Variants in DCHS2 observed in about 807,000 individuals in gnomAD.
DCHS2 encodes the protein protocadherin-23.
A neutral mutation model predicts 182.4 loss-of-function variants in DCHS2; 142 were observed. The ratio of observed to expected loss-of-function variants is 0.78; its 90% CI spans 0.68 to 0.89. DCHS2 has a LOEUF of 0.89. DCHS2 is among the 40% of genes least tolerant of loss of function. DCHS2 has a pLI of 0.00. For missense variants in DCHS2, 4,319 were observed against 4,198.6 expected (o/e 1.03, Z -0.79); for synonymous variants, 1,740 against 1,663.3 (o/e 1.05, Z -1.12).
chr4:154,242,880 C>G, intron 16 of DCHS2, 108 bp from the exon 17 acceptor site: 1 of 1,366,496 alleles, frequency 7.3e-7, no homozygotes, highest in African/African-American at 1.5e-5. Flanking sequence ...TGACTAGCTA[C>G]TTTTATTTTT....
Position 154,234,948 on chromosome 4 carries a change from T to C in DCHS2, c.9704A>G (p.Asn3235Ser), listed in dbSNP as rs1486711051. Residue 3235 changes from asparagine (N) to serine (S), a missense_variant, in exon 20 of 20, where the codon AAT becomes AGT. Physicochemically the swap from Asn to Ser is conservative, Grantham distance 46 (BLOSUM62 1). Transcript: ENST00000357232. ...DHDGKDNYHWNYLLSWEPKFQ... is the reference protein window; with the variant it reads ...DHDGKDNYHWSYLLSWEPKFQ... ...TTTGGGCTCCCAACTAAGAAGATAA[T>C]TCCAGTGATAGTTGTCTTTTCCATC... 1 of 1,614,086 alleles carries C rather than the reference T, an allele frequency of 6.2e-7. No individual in the cohort carries two copies. Among genetic ancestry groups the C allele is most frequent in the South Asian group, 1.1e-5 (1 of 91,082 alleles).
At chr4:154,286,355 T>G (rs1734397489) in intron 13 of DCHS2, among the ~76,000 whole-genome samples, 1 of 151,946 alleles carries the variant, frequency 6.6e-6, no homozygotes, top group Non-Finnish European at 1.5e-5. Context: ...CCAAATGAAC[T>G]AAATAAGGCA....
At chr4:154,461,923 G>T (rs1383702751) in intron 1 of DCHS2, among the ~76,000 whole-genome samples, 1 of 152,160 alleles carries the variant, frequency 6.6e-6, no homozygotes, top group African/African-American at 2.4e-5. Context: ...CCAGAAAGTT[G>T]TCCCTGAGGT....
intron 19 of DCHS2, 97 bp from the exon 20 acceptor site, chr4:154,237,256 T>G: frequency 1.4e-6 from 2 of 1,423,190 alleles, no homozygotes; most frequent in Non-Finnish European, 9.2e-7. Flanking sequence ...AATATGTGTT[T>G]AATTCTTTGT....
intron 7 of DCHS2, 39 bp from the exon 8 acceptor site, chr4:154,322,527 A>G: frequency 6.4e-7 from 1 of 1,557,864 alleles, no homozygotes; most frequent in South Asian, 1.2e-5. Flanking sequence ...ATGTTAATTG[A>G]CAATGCAGAA....
chr4:154,449,528 A>T (rs1313012331), intron 1 of DCHS2, among the ~76,000 whole-genome samples: 1 of 151,780 alleles, frequency 6.6e-6, no homozygotes, highest in Non-Finnish European at 1.5e-5. Context: ...GTGCCACCAC[A>T]CTTGGCTAAT....
intron 13 of DCHS2, among the ~76,000 whole-genome samples, chr4:154,297,619 G>A (rs1734984407): frequency 1.3e-5 from 2 of 152,178 alleles, no homozygotes. Context: ...AATCTTTAAT[G>A]GGAGGGCCCT....
intron 1 of DCHS2, among the ~76,000 whole-genome samples, chr4:154,469,991 C>A (rs1040359014): frequency 7.2e-5 from 11 of 152,140 alleles, no homozygotes; most frequent in African/African-American, 2.4e-4. Flanking sequence ...GAAAACAACT[C>A]CTAAAAGTTG....
At chr4:154,425,797 C>A (rs2110923498) in intron 1 of DCHS2, among the ~76,000 whole-genome samples, 3 of 152,310 alleles carry the variant, frequency 2.0e-5, no homozygotes, top group Admixed American at 2.0e-4. Context: ...CACCACAGAC[C>A]CCTGGCCCCA....
chr4:154,418,233 A>G (rs1732955348), intron 1 of DCHS2, among the ~76,000 whole-genome samples: 1 of 152,208 alleles, frequency 6.6e-6, no homozygotes. Context: ...TTTCTTTCAT[A>G]TTACATATGT....
intron 15 of DCHS2, 29 bp downstream of exon 15, chr4:154,259,513 CACA>C: frequency 6.2e-7 from 1 of 1,607,154 alleles, no homozygotes; most frequent in South Asian, 1.1e-5. Context: ...CACACACACA[CACA>C]CACACACACA....
Position 154,491,341 on chromosome 4 carries a change from C to T in DCHS2, c.15G>A (p.Gly5=). 6.5e-7 allele frequency: 1 copy of T among 1,535,862 alleles called. No homozygotes were observed. The highest frequency in any genetic ancestry group is 8.8e-7 in the Non-Finnish European group (1 of 1,137,238). The change falls in exon 1 of 20, where the codon GGG becomes GGA. Residue 5 remains glycine (G), a synonymous_variant. Coordinates refer to ENST00000357232, the MANE Select transcript of DCHS2 (RefSeq NM_001358235.2). ...GCTGACGCCCTTCGCCCATCTTCCG[C>T]CCACAAGGGCTCATTTCTCCTCCAG... MSPC[G]RKMGEGRQQR...
rs751119232 is a variant in DCHS2 at position 154,235,733 on chromosome 4, A to C, written c.8919T>G (p.Thr2973=). Residue 2973 remains threonine (T), a synonymous_variant, in exon 20 of 20, where the codon ACT becomes ACG. Transcript: ENST00000357232. ...PKSDSKFASC[T]VFVNVSFSSE... is the part of the protein sequence containing the mutation. The stretch of plus-strand genomic sequence containing the variant: ...AGGAGAAAGACACATTCACAAAAAC[A>C]GTGCAAGATGCAAACTTGGAATCTG... 5 of 1,613,990 alleles carry C rather than the reference A, an allele frequency of 3.1e-6. No individual in the cohort carries two copies. Among genetic ancestry groups the C allele is most frequent in the Non-Finnish European group, 4.2e-6 (5 of 1,179,990 alleles).
intron 1 of DCHS2, among the ~76,000 whole-genome samples, chr4:154,457,746 T>G (rs1166495399): frequency 6.6e-6 from 1 of 152,182 alleles, no homozygotes; most frequent in African/African-American, 2.4e-5. Flanking sequence ...CCTGGAGGGC[T>G]TGTTAAAGCA....
intron 12 of DCHS2, among the ~76,000 whole-genome samples, chr4:154,299,501 G>A (rs1053291634): frequency 2.0e-5 from 3 of 152,186 alleles, no homozygotes; most frequent in Admixed American, 6.5e-5. Context: ...CTTGGATGAA[G>A]AGCAGGCCCA....
chr4:154,409,258 A>T (rs796091725), intron 1 of DCHS2, among the ~76,000 whole-genome samples: 71 of 152,172 alleles, frequency 4.7e-4, no homozygotes, highest in African/African-American at 1.7e-3. Context: ...GCTATGCTCC[A>T]CCATTCCAGA....
chr4:154,409,285 T>C (rs1236265845), intron 1 of DCHS2, among the ~76,000 whole-genome samples: 2 of 152,214 alleles, frequency 1.3e-5, no homozygotes, highest in South Asian at 2.1e-4. Flanking sequence ...GCTGCTGCCA[T>C]ACTTGACCCC....
At position 154,266,452 on chromosome 4, in the gene DCHS2, C is replaced by T. The variant is rs368790968; in HGVS notation, c.6577+3448G>A. 3.5e-3 allele frequency among the ~76,000 whole-genome samples: 528 copies of T among 152,018 alleles called. 5 individuals are homozygous for T. Among genetic ancestry groups the T allele is most frequent in the South Asian group, 0.016 (76 of 4,822 alleles). On this transcript the variant is annotated intron_variant, in intron 14 of 19. Transcript: ENST00000357232. ...CGGGTGGATCACGAGGACAGGAGATCGAGACCATCCTGGCTAACACAGTGA... is the reference window on the plus strand; with the variant it reads ...CGGGTGGATCACGAGGACAGGAGATTGAGACCATCCTGGCTAACACAGTGA...
At chr4:154,357,950 C>A (rs35132553) in intron 3 of DCHS2, among the ~76,000 whole-genome samples, 46,085 of 151,980 alleles carry the variant, frequency 0.3, 7,594 homozygotes, top group East Asian at 0.44. Context: ...AGACATGAGC[C>A]TACAGTTAGC....
Sources: gnomAD v4.1 joint callset for allele counts (sites outside exome capture counted in the v4.1 genomes callset) on GRCh38, gnomAD v4.1.1 for gene constraint, MANE v1.5 for transcripts, NCBI Gene and HGNC (gene_info 2026-07-23, HGNC 2026-07-21) for gene names.